Variants in ST6GALNAC5 observed in about 807,000 individuals in gnomAD.
ST6GALNAC5 encodes alpha-N-acetylgalactosaminide alpha-2,6-sialyltransferase 5.
In ST6GALNAC5, 27 loss-of-function variants were observed where a neutral mutation model predicts 33.6. That is an observed-to-expected ratio of 0.80 (90% CI 0.59 to 1.11). ST6GALNAC5 has a LOEUF of 1.11. ST6GALNAC5 is among the 50% of genes least tolerant of loss of function. The probability of loss-of-function intolerance (pLI) is 0.00; values close to 1 mark genes in which losing one functional copy is unlikely to be tolerated. For missense variants in ST6GALNAC5, 428 were observed against 454.0 expected, an observed-to-expected ratio of 0.94 and a Z score of 0.52; for synonymous variants, 194 against 171.2, an observed-to-expected ratio of 1.13 and a Z score of -1.04.
chr1:76,996,475 T>C (rs1420734112), intron 2 of ST6GALNAC5, among the ~76,000 whole-genome samples: 1 of 152,218 alleles, frequency 6.6e-6, no homozygotes, highest in Non-Finnish European at 1.5e-5. Flanking sequence ...TAATATACTG[T>C]TGAATATGTT....
At chr1:76,968,113 C>T (rs1411577837) in intron 2 of ST6GALNAC5, among the ~76,000 whole-genome samples, 1 of 152,160 alleles carries the variant, frequency 6.6e-6, no homozygotes, top group Non-Finnish European at 1.5e-5. Flanking sequence ...TGGTGCAGAG[C>T]TGAGTTCAGG....
At chr1:76,880,055 G>T (rs1653742113) in intron 2 of ST6GALNAC5, among the ~76,000 whole-genome samples, 2 of 152,148 alleles carry the variant, frequency 1.3e-5, no homozygotes, top group Non-Finnish European at 2.9e-5. Context: ...TGCTTCTGAA[G>T]CCAGGAGACA....
At chr1:77,030,679 G>A (rs2100447374) in intron 2 of ST6GALNAC5, among the ~76,000 whole-genome samples, 1 of 152,304 alleles carries the variant, frequency 6.6e-6, no homozygotes, top group South Asian at 2.1e-4. Context: ...ATGTGCTTAA[G>A]CAGAATCTCA....
chr1:76,994,575 C>T (rs1316897476), intron 2 of ST6GALNAC5, among the ~76,000 whole-genome samples: 1 of 151,938 alleles, frequency 6.6e-6, no homozygotes, highest in Non-Finnish European at 1.5e-5. Flanking sequence ...TATTAAAGAC[C>T]CCGAGCCCAC....
In ST6GALNAC5 at chr1:76,992,498, A is replaced by AATTTT. The variant is rs139335165; in HGVS notation, c.262-51696_262-51692dup. Among the ~76,000 whole-genome samples the AATTTT allele has an allele frequency of 4.4e-3, 671 of 151,660 alleles. 11 individuals carry two copies. The highest frequency in any genetic ancestry group is 0.013 in the African/African-American group (554 of 41,360). On this transcript the variant is annotated intron_variant, in intron 2 of 4. Coordinates refer to ENST00000477717, the MANE Select transcript of ST6GALNAC5 (RefSeq NM_030965.3). Reference sequence around the variant, plus strand: ...GGCAATTGTGGTCCCTCTTTAATTTAATTTTATTTTATTTGAGACCGGTTC... The same window carrying AATTTT: ...GGCAATTGTGGTCCCTCTTTAATTTAATTTTATTTTATTTTATTTGAGACCGGTTC...
intron 2 of ST6GALNAC5, among the ~76,000 whole-genome samples, chr1:77,038,114 C>T (rs980903706): frequency 1.3e-5 from 2 of 152,202 alleles, no homozygotes; most frequent in African/African-American, 4.8e-5. Context: ...TTCTAAACTG[C>T]TCAGTACTGC....
chr1:76,941,573 T>C (rs930659906), intron 2 of ST6GALNAC5, among the ~76,000 whole-genome samples: 4 of 152,080 alleles, frequency 2.6e-5, no homozygotes, highest in African/African-American at 9.7e-5. Flanking sequence ...AATGAGATTA[T>C]CCTGGATTAC....
intron 2 of ST6GALNAC5, among the ~76,000 whole-genome samples, chr1:77,014,263 A>G (rs1650743509): frequency 6.6e-6 from 1 of 152,188 alleles, no homozygotes; most frequent in African/African-American, 2.4e-5. Flanking sequence ...TTACTTCCAC[A>G]TCTATTACCA....
chr1:76,971,275 C>T (rs559572906), intron 2 of ST6GALNAC5, among the ~76,000 whole-genome samples: 24 of 152,168 alleles, frequency 1.6e-4, no homozygotes, highest in African/African-American at 4.3e-4. Context: ...AAGGGGAATG[C>T]GTGGGCAATC....
chr1:77,052,670 G>A (rs1265749275), intron 4 of ST6GALNAC5, among the ~76,000 whole-genome samples: 1 of 151,884 alleles, frequency 6.6e-6, no homozygotes, highest in Admixed American at 6.6e-5. Flanking sequence ...TATAATCCCA[G>A]CACTTTGGGA....
At chr1:76,988,712 C>T (rs7537085) in intron 2 of ST6GALNAC5, among the ~76,000 whole-genome samples, 22,935 of 151,920 alleles carry the variant, frequency 0.15, 1,808 homozygotes, top group South Asian at 0.29. Flanking sequence ...ATTTCTTTCC[C>T]TCTTCTCCTC....
intron 2 of ST6GALNAC5, among the ~76,000 whole-genome samples, chr1:76,869,805 G>A (rs1358826432): frequency 6.6e-6 from 1 of 152,192 alleles, no homozygotes; most frequent in Non-Finnish European, 1.5e-5. Context: ...TTTAAGGCAG[G>A]ACCCAGTCTT....
chr1:76,969,668 A>G (rs972399186), intron 2 of ST6GALNAC5, among the ~76,000 whole-genome samples: 11 of 152,112 alleles, frequency 7.2e-5, no homozygotes, highest in African/African-American at 2.4e-4. Flanking sequence ...CCCTAAAGAG[A>G]GCAGTGGTTC....
At chr1:76,996,540 A>G (rs998080265) in intron 2 of ST6GALNAC5, among the ~76,000 whole-genome samples, 1 of 152,230 alleles carries the variant, frequency 6.6e-6, no homozygotes, top group Non-Finnish European at 1.5e-5. Flanking sequence ...GTTAAATGGA[A>G]GGAAAAGCAA....
At chr1:77,007,873 A>G (rs1320956067) in intron 2 of ST6GALNAC5, among the ~76,000 whole-genome samples, 1 of 152,234 alleles carries the variant, frequency 6.6e-6, no homozygotes, top group African/African-American at 2.4e-5. Context: ...CTTTGTGGCT[A>G]AGACTTTTGG....
intron 2 of ST6GALNAC5, among the ~76,000 whole-genome samples, chr1:76,871,790 T>C (rs991095419): frequency 2.6e-5 from 4 of 151,908 alleles, no homozygotes; most frequent in African/African-American, 9.7e-5. Context: ...CTACATGGAG[T>C]TTCTTGTCAT....
chr1:77,039,406 G>T (rs2100456852), intron 2 of ST6GALNAC5, among the ~76,000 whole-genome samples: 1 of 152,342 alleles, frequency 6.6e-6, no homozygotes, highest in African/African-American at 2.4e-5. Flanking sequence ...CTGAGAGGCT[G>T]CCCAGTGGCA....
intron 2 of ST6GALNAC5, among the ~76,000 whole-genome samples, chr1:76,939,411 GGACC>G (rs1253469114): frequency 1.3e-5 from 2 of 152,004 alleles, no homozygotes; most frequent in Non-Finnish European, 2.9e-5. Flanking sequence ...AGCAAAATCA[GGACC>G]CACTGTCGAT....
intron 2 of ST6GALNAC5, among the ~76,000 whole-genome samples, chr1:76,978,976 C>A (rs1465339206): frequency 1.3e-5 from 2 of 151,518 alleles, no homozygotes; most frequent in African/African-American, 4.9e-5. Context: ...TTTCTATAAA[C>A]CAATAGCAAA....
Sources: gnomAD v4.1 joint callset for allele counts (sites outside exome capture counted in the v4.1 genomes callset) on GRCh38, gnomAD v4.1.1 for gene constraint, MANE v1.5 for transcripts, NCBI Gene and HGNC (gene_info 2026-07-23, HGNC 2026-07-21) for gene names.